Variants in CPO observed in about 807,000 individuals in gnomAD.
CPO encodes metallocarboxypeptidase C.
A neutral mutation model predicts 41.2 loss-of-function variants in CPO; 43 were observed. That is an observed-to-expected ratio of 1.04 (90% confidence interval 0.82 to 1.35). CPO has a LOEUF of 1.35. Ranked by LOEUF, CPO falls within the 40% of genes most tolerant of loss-of-function variation. The pLI is 0.00. For synonymous variants in CPO, 178 were observed against 162.7 expected, an observed-to-expected ratio of 1.09 and a Z score of -0.72; for missense variants, 408 against 451.7, an observed-to-expected ratio of 0.90 and a Z score of 0.88.
At chr2:206,962,215 G>C (rs1470565329) in intron 6 of CPO, among the ~76,000 whole-genome samples, 197 bp from the exon 7 acceptor site, 2 of 151,864 alleles carry the variant, frequency 1.3e-5, no homozygotes, top group Non-Finnish European at 2.9e-5. Context: ...ATCCCTTTCT[G>C]CTATTCTGAG....
At chr2:206,965,305 G>C (rs1343877184) in intron 7 of CPO, among the ~76,000 whole-genome samples, 1 of 152,082 alleles carries the variant, frequency 6.6e-6, no homozygotes, top group African/African-American at 2.4e-5. Context: ...TTAGGTTCTT[G>C]GGGGCAAGCT....
At chr2:206,958,727 A>ATT in intron 4 of CPO, among the ~76,000 whole-genome samples, 1 of 47,804 alleles carries the variant, frequency 2.1e-5, no homozygotes, top group East Asian at 7.3e-4. Context: ...CAAATTTTCT[A>ATT]GTTTTTTTTT....
chr2:206,956,418 G>GCAA (rs1319076975), intron 3 of CPO, among the ~76,000 whole-genome samples: 3 of 141,050 alleles, frequency 2.1e-5, no homozygotes, highest in Admixed American at 6.9e-5. Context: ...ATCATCATCA[G>GCAA]CAGCAGCAGC....
intron 4 of CPO, among the ~76,000 whole-genome samples, chr2:206,958,796 T>C (rs965004212): frequency 1.4e-5 from 2 of 142,358 alleles, no homozygotes; most frequent in South Asian, 4.6e-4. Flanking sequence ...GGCTGGAGTG[T>C]AATGGCACGA....
At position 206,962,394 on chromosome 2, in the gene CPO, G is replaced by T; in HGVS notation, c.575-18G>T. ...CTGAGATCATGCAGCCTTCTTTGTG[G>T]TTTCTTCCATATTCTAGGTATTGGT... On this transcript the variant is annotated intron_variant, in intron 6 of 8. Transcript: ENST00000272852. 1.2e-6 allele frequency: 2 copies of T among 1,611,086 alleles called. No homozygotes were observed. The highest frequency in any genetic ancestry group is 1.7e-6 in the Non-Finnish European group (2 of 1,177,334).
chr2:206,949,073 CA>C (rs11284442), intron 1 of CPO, among the ~76,000 whole-genome samples: 36,566 of 98,960 alleles, frequency 0.37, 4,502 homozygotes, highest in Non-Finnish European at 0.4. Context: ...TAAACCATTG[CA>C]AAAAAAAAAA....
intron 1 of CPO, among the ~76,000 whole-genome samples, chr2:206,949,088 G>T (rs1458888490): frequency 6.9e-6 from 1 of 144,688 alleles, no homozygotes; most frequent in Non-Finnish European, 1.5e-5. Flanking sequence ...AAAAAAAAAA[G>T]ATTAGTTCTC....
At chr2:206,961,745 A>G (rs1407268865) in intron 6 of CPO, among the ~76,000 whole-genome samples, 1 of 152,154 alleles carries the variant, frequency 6.6e-6, no homozygotes, top group Non-Finnish European at 1.5e-5. Context: ...CTTACCCAGG[A>G]ACCCAAGAAC....
intron 1 of CPO, among the ~76,000 whole-genome samples, chr2:206,948,230 G>C (rs1693182570): frequency 6.6e-6 from 1 of 152,168 alleles, no homozygotes; most frequent in African/African-American, 2.4e-5. Flanking sequence ...CCAGACAATG[G>C]AATATTACAC....
chr2:206,961,845 ACTTTGGGGAGGCCGAG>A (rs1693483809), intron 6 of CPO, among the ~76,000 whole-genome samples: 1 of 151,860 alleles, frequency 6.6e-6, no homozygotes, highest in Non-Finnish European at 1.5e-5. Context: ...TAATCCCAGC[ACTTTGGGGAGGCCGAG>A]GTGGGCAGAT....
intron 7 of CPO, among the ~76,000 whole-genome samples, chr2:206,964,230 C>G (rs1265479114): frequency 2.0e-5 from 3 of 152,200 alleles, no homozygotes; most frequent in Non-Finnish European, 4.4e-5. Context: ...CTTCTCCCAA[C>G]AGTCAAAAAT....
intron 1 of CPO, among the ~76,000 whole-genome samples, chr2:206,948,167 G>A (rs1693181549): frequency 6.6e-6 from 1 of 152,218 alleles, no homozygotes; most frequent in African/African-American, 2.4e-5. Flanking sequence ...TATCTTGGAA[G>A]CAACCAGGGT....
intron 1 of CPO, among the ~76,000 whole-genome samples, chr2:206,942,600 T>C (rs1693049459): frequency 6.6e-6 from 1 of 152,156 alleles, no homozygotes; most frequent in Non-Finnish European, 1.5e-5. Context: ...GCAGACTTTA[T>C]TAATAATGTA....
rs540741640 is a variant in CPO at position 206,946,515 on chromosome 2, A to T, written c.69-3102A>T. ...AAAATCTACAGTTTACATTATACTT[A>T]ATGATGAGAAACTAGAAGCTTTCCT... On this transcript the variant is annotated intron_variant, in intron 1 of 8. Transcript: ENST00000272852. Among the ~76,000 whole-genome samples, 88 of 152,312 alleles carry T rather than the reference A, an allele frequency of 5.8e-4. 2 individuals are homozygous for T. The South Asian group carries it at 0.017, about 30-fold the overall frequency.
chr2:206,964,833 T>C (rs531938314), intron 7 of CPO, among the ~76,000 whole-genome samples: 2 of 152,342 alleles, frequency 1.3e-5, no homozygotes, highest in Admixed American at 6.5e-5. Flanking sequence ...AGATCTTTGA[T>C]GGAAAGGGGT....
intron 6 of CPO, 49 bp downstream of exon 6, chr2:206,960,991 TAAGAA>T: frequency 8.0e-7 from 1 of 1,254,024 alleles, no homozygotes; most frequent in Non-Finnish European, 1.2e-6. Flanking sequence ...AGCTGAGAAG[TAAGAA>T]AAGAGGTGAA....
At chr2:206,967,542 G>T (rs1693604685) in intron 7 of CPO, among the ~76,000 whole-genome samples, 1 of 151,986 alleles carries the variant, frequency 6.6e-6, no homozygotes, top group Non-Finnish European at 1.5e-5. Flanking sequence ...ATCCTTTGAA[G>T]CTGGGCAGAA....
intron 1 of CPO, among the ~76,000 whole-genome samples, chr2:206,941,309 T>TA (rs913872995): frequency 6.6e-6 from 1 of 152,024 alleles, no homozygotes; most frequent in Non-Finnish European, 1.5e-5. Context: ...AAAATAAGTA[T>TA]AAAACTTTTT....
At chr2:206,957,117 C>T (rs2105825383) in intron 3 of CPO, among the ~76,000 whole-genome samples, 1 of 152,122 alleles carries the variant, frequency 6.6e-6, no homozygotes, top group South Asian at 2.1e-4. Flanking sequence ...GTGGCTCATG[C>T]CTGTAATCCC....
Sources: allele counts gnomAD v4.1 joint callset (sites outside exome capture counted in the v4.1 genomes callset), GRCh38; gene constraint gnomAD v4.1.1; transcripts MANE v1.5; gene names NCBI Gene and HGNC (gene_info 2026-07-23, HGNC 2026-07-21).